Variants in FHIT observed in about 807,000 individuals in gnomAD.
FHIT encodes bis(5'-adenosyl)-triphosphatase.
A neutral mutation model predicts 17.9 loss-of-function variants in FHIT; 19 were observed. That is an observed-to-expected ratio of 1.06 (90% CI 0.74 to 1.56). The LOEUF is 1.56. Among genes scored for constraint, FHIT ranks in the 40% most tolerant of loss-of-function variants. FHIT has a pLI of 0.00. For synonymous variants in FHIT, 81 were observed against 69.7 expected, an observed-to-expected ratio of 1.16 and a Z score of -0.81; for missense variants, 248 against 189.2, an observed-to-expected ratio of 1.31 and a Z score of -1.82.
chr3:59,752,371 C>A, intron 8 of FHIT, 50 bp from the exon 9 acceptor site: 1 of 1,472,836 alleles, frequency 6.8e-7, no homozygotes, highest in African/African-American at 1.4e-5. Flanking sequence ...CTTGGGATCT[C>A]CTTGAACAAA....
At chr3:60,092,497 C>T (rs1293502569) in intron 5 of FHIT, among the ~76,000 whole-genome samples, 5 of 152,162 alleles carry the variant, frequency 3.3e-5, no homozygotes, top group African/African-American at 1.2e-4. Flanking sequence ...ACATTAAGGT[C>T]TGGCTTTTAA....
At chr3:60,036,342 A>C (rs1010907757) in intron 5 of FHIT, among the ~76,000 whole-genome samples, 1 of 152,110 alleles carries the variant, frequency 6.6e-6, no homozygotes, top group South Asian at 2.1e-4. Context: ...TATACAGAGC[A>C]TGTTATTTTA....
chr3:60,526,853 C>A (rs1202633730), intron 5 of FHIT, among the ~76,000 whole-genome samples: 1 of 152,018 alleles, frequency 6.6e-6, no homozygotes, highest in Non-Finnish European at 1.5e-5. Flanking sequence ...TGGAAAGCAT[C>A]CCCCAAGAGA....
intron 7 of FHIT, among the ~76,000 whole-genome samples, chr3:59,962,278 G>C (rs1050854631): frequency 7.2e-5 from 11 of 152,294 alleles, no homozygotes; most frequent in African/African-American, 2.4e-4. Context: ...CTGTCAACTA[G>C]AGATGGGGCT....
intron 5 of FHIT, among the ~76,000 whole-genome samples, chr3:60,281,847 CTT>C (rs1222589624): frequency 6.6e-6 from 1 of 152,000 alleles, no homozygotes; most frequent in Admixed American, 6.6e-5. Flanking sequence ...AAATTTAAAA[CTT>C]TTGCTCTACA....
chr3:60,540,779 A>G (rs1452432588), intron 4 of FHIT, among the ~76,000 whole-genome samples: 1 of 152,230 alleles, frequency 6.6e-6, no homozygotes, highest in South Asian at 2.1e-4. Flanking sequence ...ACACACCCAC[A>G]TAGCCAGAAC....
At chr3:60,073,541 C>T (rs1037891924) in intron 5 of FHIT, among the ~76,000 whole-genome samples, 2 of 152,074 alleles carry the variant, frequency 1.3e-5, no homozygotes, top group African/African-American at 4.8e-5. Context: ...TTCTCTTCTG[C>T]CCTTTATGTC....
intron 4 of FHIT, among the ~76,000 whole-genome samples, chr3:60,594,891 G>A (rs1438126582): frequency 6.6e-6 from 1 of 152,002 alleles, no homozygotes; most frequent in East Asian, 1.9e-4. Context: ...CTGTGTTTCT[G>A]TAGATGAACT....
intron 2 of FHIT, among the ~76,000 whole-genome samples, chr3:61,167,592 G>A (rs1383484766): frequency 7.5e-6 from 1 of 133,568 alleles, no homozygotes; most frequent in Admixed American, 8.5e-5. Context: ...CTGCACCACT[G>A]CACTCCAGCC....
intron 5 of FHIT, among the ~76,000 whole-genome samples, chr3:60,344,241 C>G (rs1292002011): frequency 6.6e-6 from 1 of 152,146 alleles, no homozygotes; most frequent in East Asian, 1.9e-4. Context: ...CATTCTCTGT[C>G]TTGCATTTAC....
At position 60,242,113 on chromosome 3, in the gene FHIT, A is replaced by G. The variant is rs191393039; in HGVS notation, c.104-227961T>C. Among the ~76,000 whole-genome samples the G allele has an allele frequency of 4.0e-3, 610 of 152,236 alleles. 2 individuals carry two copies. Among genetic ancestry groups the G allele is most frequent in the Non-Finnish European group, 6.5e-3 (442 of 67,998 alleles). ...TATTAATATTTGGTAACAACTAAAA[A>G]TATGTATTATCTTTCACGTTTTATT... is the stretch of plus-strand genomic sequence containing the variant. On this transcript the variant is annotated intron_variant, in intron 5 of 9. Coordinates refer to ENST00000492590, the MANE Select transcript of FHIT (RefSeq NM_002012.4).
At chr3:60,594,065 A>T (rs886110758) in intron 4 of FHIT, among the ~76,000 whole-genome samples, 1 of 152,152 alleles carries the variant, frequency 6.6e-6, no homozygotes, top group Non-Finnish European at 1.5e-5. Flanking sequence ...ACAAAAGAAA[A>T]GCATTTTGAG....
chr3:60,411,339 A>G (rs989324250), intron 5 of FHIT, among the ~76,000 whole-genome samples: 1 of 152,188 alleles, frequency 6.6e-6, no homozygotes, highest in East Asian at 1.9e-4. Flanking sequence ...CATTGTAGGG[A>G]AAAATGGCAC....
intron 4 of FHIT, among the ~76,000 whole-genome samples, chr3:60,640,899 G>A (rs1366726620): frequency 6.6e-6 from 1 of 152,190 alleles, no homozygotes; most frequent in Non-Finnish European, 1.5e-5. Context: ...AAACACACAG[G>A]CCAGGTGTGG....
At chr3:60,570,637 C>T (rs1175573109) in intron 4 of FHIT, among the ~76,000 whole-genome samples, 1 of 150,658 alleles carries the variant, frequency 6.6e-6, no homozygotes, top group Non-Finnish European at 1.5e-5. Flanking sequence ...TGGCATAATA[C>T]AGCAATTATC....
chr3:60,051,305 C>G (rs1559584583), intron 5 of FHIT, among the ~76,000 whole-genome samples: 1 of 149,448 alleles, frequency 6.7e-6, no homozygotes, highest in South Asian at 2.1e-4. Flanking sequence ...ATTAAACACA[C>G]CGAAAGCCTA....
At chr3:60,704,368 G>C (rs1377901094) in intron 4 of FHIT, among the ~76,000 whole-genome samples, 2 of 152,042 alleles carry the variant, frequency 1.3e-5, no homozygotes, top group Admixed American at 6.6e-5. Flanking sequence ...ATTTTAAAAA[G>C]AATTATTTTT....
chr3:60,230,067 G>C (rs1428338085), intron 5 of FHIT, among the ~76,000 whole-genome samples: 1 of 152,044 alleles, frequency 6.6e-6, no homozygotes, highest in African/African-American at 2.4e-5. Flanking sequence ...AAATCTCGTT[G>C]TTCAATACCG....
chr3:60,160,300 C>A (rs1036934445), intron 5 of FHIT, among the ~76,000 whole-genome samples: 1 of 152,154 alleles, frequency 6.6e-6, no homozygotes, highest in Non-Finnish European at 1.5e-5. Flanking sequence ...CTAGATGGAA[C>A]GCAGTTCTCC....
Sources: allele counts gnomAD v4.1 joint callset (sites outside exome capture counted in the v4.1 genomes callset), GRCh38; gene constraint gnomAD v4.1.1; transcripts MANE v1.5; gene names NCBI Gene and HGNC (gene_info 2026-07-23, HGNC 2026-07-21).